The following GIPC3 variants were observed in gnomAD, a reference collection of about 807,000 sequenced individuals.
GIPC3 encodes the protein PDZ domain-containing protein GIPC3.
Under a neutral mutation model 27.3 loss-of-function variants are expected in GIPC3, and 16 were observed. That is an observed-to-expected ratio of 0.59 (90% CI 0.40 to 0.89). GIPC3 has a LOEUF of 0.89. Among genes scored for constraint, GIPC3 ranks in the 40% least tolerant of loss-of-function variants. GIPC3 has a pLI of 0.00. For synonymous variants in GIPC3, 194 were observed against 184.6 expected (o/e 1.05, Z -0.41); for missense variants, 440 against 442.1 (o/e 1.00, Z 0.04).
Position 3,592,335 on chromosome 19 carries a change from C to T in GIPC3, c.*2145C>T. On this transcript the variant is annotated 3_prime_UTR_variant, in exon 6 of 6. Transcript: ENST00000644452. ...GAAGCAGAGCAGTTCTGAAAGTCAG[C>T]TTAGCTTTGGAACTCAGCCCAGCTC... The T allele has an allele frequency of 8.1e-7, 1 of 1,232,018 alleles. No homozygotes were observed. Among genetic ancestry groups the T allele is most frequent in the Non-Finnish European group, 1.0e-6 (1 of 987,966 alleles). 76.3% of individuals were successfully genotyped at this position (1,232,018 alleles called of 1,614,324 possible). A position where few individuals can be genotyped will look rare whatever the true frequency, so the allele number is the denominator to read the frequency against.
Position 3,593,521 on chromosome 19 carries a change from A to C in GIPC3, c.*3331A>C. 1 of 391,612 alleles carries C rather than the reference A, an allele frequency of 2.6e-6. No individual in the cohort carries two copies. The highest frequency in any genetic ancestry group is 4.5e-6 in the Non-Finnish European group (1 of 223,194). 24.3% of individuals were successfully genotyped at this position (391,612 alleles called of 1,614,324 possible). A position where few individuals can be genotyped will look rare whatever the true frequency, so the allele number is the denominator to read the frequency against. ...GTACCCTGAGGGCTCATGGTGAATA[A>C]AGGCACCTTCCATCTCTGCAGCCTG... On this transcript the variant is annotated 3_prime_UTR_variant, in exon 6 of 6. Transcript: ENST00000644452.
chr19:3,588,653 A>AAAAAAC (rs1555704530), intron 3 of GIPC3, among the ~76,000 whole-genome samples: 15 of 151,308 alleles, frequency 9.9e-5, no homozygotes, highest in African/African-American at 3.4e-4. Flanking sequence ...AAAAAAAAAA[A>AAAAAAC]AAAAAACCTG....
chr19:3,586,785 G>A, intron 2 of GIPC3, 29 bp from the exon 3 acceptor site: 1 of 1,612,446 alleles, frequency 6.2e-7, no homozygotes, highest in Admixed American at 1.7e-5. Context: ...GGCTGGGGTT[G>A]CCCTGCCAGC....
chr19:3,592,817 T>C lies in GIPC3; in HGVS notation c.*2627T>C. The C allele has an allele frequency of 8.1e-7, 1 of 1,232,078 alleles. No individual in the cohort carries two copies. The highest frequency in any genetic ancestry group is 1.6e-5 in the African/African-American group (1 of 64,476). 76.3% of individuals were successfully genotyped at this position (1,232,078 alleles called of 1,614,324 possible). A position where few individuals can be genotyped will look rare whatever the true frequency, so the allele number is the denominator to read the frequency against. ...CTGGAACCCAATCCAGTTCCAGAAC[T>C]CACACCAGTTCAAGAATCTGGCTGA... On this transcript the variant is annotated 3_prime_UTR_variant, in exon 6 of 6. Coordinates refer to ENST00000644452, the MANE Select transcript of GIPC3 (RefSeq NM_133261.3).
At position 3,585,719 on chromosome 19, in the gene GIPC3, C is replaced by A. The variant is rs727503062; in HGVS notation, c.122C>A (p.Thr41Lys). 7.4e-6 allele frequency: 11 copies of A among 1,483,562 alleles called. No homozygotes were observed. Among genetic ancestry groups the A allele is most frequent in the South Asian group, 2.6e-5 (2 of 77,424 alleles). The allele number at this position is 1,483,562 out of a possible 1,614,324, so 91.9% of individuals were successfully genotyped here. A position where few individuals can be genotyped will look rare whatever the true frequency, so the allele number is the denominator to read the frequency against. Residue 41 changes from threonine to lysine, a missense_variant, in exon 1 of 6, where the codon ACG becomes AAG. Thr to Lys is a moderately conservative substitution (Grantham distance 78). Coordinates refer to ENST00000644452, the MANE Select transcript of GIPC3 (RefSeq NM_133261.3). ...PRARPRLVFRTQLAHGSPTGK... is the reference protein window; with the variant it reads ...PRARPRLVFRKQLAHGSPTGK... ...GCCCGCCCGCGCCTCGTCTTCCGCA[C>A]GCAGCTGGCGCACGGGAGCCCCACG...
In GIPC3 at chr19:3,592,184, G is replaced by C; in HGVS notation, c.*1994G>C. The C allele has an allele frequency of 3.2e-6, 4 of 1,232,062 alleles. No individual in the cohort carries two copies. The highest frequency in any genetic ancestry group is 4.0e-6 in the Non-Finnish European group (4 of 988,024). 76.3% of individuals were successfully genotyped at this position (1,232,062 alleles called of 1,614,324 possible). A position where few individuals can be genotyped will look rare whatever the true frequency, so the allele number is the denominator to read the frequency against. On this transcript the variant is annotated 3_prime_UTR_variant, in exon 6 of 6. Transcript: ENST00000644452. ...GTTCCGACAGCAGGTCCAGCTCCAGGACCCAGCGCTGCCCAGGAGCTCGAC... is the reference window on the plus strand; with the variant it reads ...GTTCCGACAGCAGGTCCAGCTCCAGCACCCAGCGCTGCCCAGGAGCTCGAC...
In GIPC3 at chr19:3,589,863, G is replaced by A. The variant is rs1378233870; in HGVS notation, c.738G>A (p.Lys246=). The change falls in exon 5 of 6, where the codon AAG becomes AAA. Residue 246 remains lysine, a synonymous_variant. Transcript: ENST00000644452. The part of the protein sequence containing the change: ...PSEFEEEASR[K]VDDLLESYMG... ...AGTTTGAGGAGGAGGCATCTCGGAA[G>A]GTTGATGACCTGCTGGAAAGCTACA... 6.8e-6 allele frequency: 11 copies of A among 1,613,806 alleles called. No individual in the cohort carries two copies. The highest frequency in any genetic ancestry group is 8.5e-6 in the Non-Finnish European group (10 of 1,180,020).
intron 1 of GIPC3, among the ~76,000 whole-genome samples, chr19:3,586,209 T>A (rs1305099692): frequency 6.6e-6 from 1 of 151,738 alleles, no homozygotes; most frequent in Non-Finnish European, 1.5e-5. Flanking sequence ...GGTTGGGGGG[T>A]TCCTGGGCGT....
chr19:3,592,980 C>T lies in GIPC3; in HGVS notation c.*2790C>T. On this transcript the variant is annotated 3_prime_UTR_variant, in exon 6 of 6. Transcript: ENST00000644452. Reference sequence around the variant, plus strand: ...CCCAGCCCCTAGCAAAGACCCCCAGCCTCTGCCTCAGCCCCATGATCAGGT... The same window carrying T: ...CCCAGCCCCTAGCAAAGACCCCCAGTCTCTGCCTCAGCCCCATGATCAGGT... 3.3e-6 allele frequency: 4 copies of T among 1,228,444 alleles called. No individual in the cohort carries two copies. Among genetic ancestry groups the T allele is most frequent in the Non-Finnish European group, 4.1e-6 (4 of 986,122 alleles). The allele number at this position is 1,228,444 out of a possible 1,614,324, so 76.1% of individuals were successfully genotyped here.
Position 3,589,504 on chromosome 19 carries a change from G to A in GIPC3, c.654G>A (p.Gly218=), listed in dbSNP as rs2032440391. 2 of 1,613,984 alleles carry A rather than the reference G, an allele frequency of 1.2e-6. No individual in the cohort carries two copies. ...KCPVEAKVTS[G]RETLRLRSGG... is the part of the protein sequence containing the mutation. ...CAGTAGAGGCGAAAGTGACCAGCGG[G>A]AGGGAGACCCTGCGGCTTCGTTCTG... The change falls in exon 4 of 6, where the codon GGG becomes GGA. Residue 218 remains glycine (G), a synonymous_variant. Transcript: ENST00000644452.
In GIPC3 at chr19:3,590,446, C is replaced by A; in HGVS notation, c.*256C>A. The A allele has an allele frequency of 7.0e-7, 1 of 1,426,340 alleles. No homozygotes were observed. The highest frequency in any genetic ancestry group is 9.1e-7 in the Non-Finnish European group (1 of 1,095,224). 88.4% of individuals were successfully genotyped at this position (1,426,340 alleles called of 1,614,324 possible). On this transcript the variant is annotated 3_prime_UTR_variant, in exon 6 of 6. Coordinates refer to ENST00000644452, the MANE Select transcript of GIPC3 (RefSeq NM_133261.3). ...AATAAGCTCTGTTCTAAAACTCAGG[C>A]CAGCCCTGAGACCAAGCCCAGCTCT...
chr19:3,589,865 T>G lies in GIPC3; in HGVS notation c.740T>G (p.Val247Gly). 1 of 1,613,692 alleles carries G rather than the reference T, an allele frequency of 6.2e-7. No homozygotes were observed. The highest frequency in any genetic ancestry group is 8.5e-7 in the Non-Finnish European group (1 of 1,179,966). ...SEFEEEASRK[V>G]DDLLESYMGI... ...TTTGAGGAGGAGGCATCTCGGAAGG[T>G]TGATGACCTGCTGGAAAGCTACATG... is the stretch of plus-strand genomic sequence containing the variant. The change falls in exon 5 of 6, where the codon GTT (valine) becomes GGT (glycine). Residue 247 changes from valine to glycine, a missense_variant. Transcript: ENST00000644452.
rs1203329599 is a variant in GIPC3 at position 3,591,518 on chromosome 19, A to G, written c.*1328A>G. ...GCTCCGGAACCCCAGTTAATTTTGG[A>G]ACCCATGTGAGATTCATGAAGCAGC... On this transcript the variant is annotated 3_prime_UTR_variant, in exon 6 of 6. Coordinates refer to ENST00000644452, the MANE Select transcript of GIPC3 (RefSeq NM_133261.3). 8.1e-7 allele frequency: 1 copy of G among 1,232,484 alleles called. No homozygotes were observed. The highest frequency in any genetic ancestry group is 1.0e-6 in the Non-Finnish European group (1 of 988,492). The allele number at this position is 1,232,484 out of a possible 1,614,324, so 76.3% of individuals were successfully genotyped here.
At chr19:3,588,640 C>CAAA (rs969668918) in intron 3 of GIPC3, among the ~76,000 whole-genome samples, 4,476 of 73,872 alleles carry the variant, frequency 0.061, 117 homozygotes, top group Middle Eastern at 0.087. Context: ...TCCATCGTAT[C>CAAA]AAAAAAAAAA....
rs570315484 is a variant in GIPC3, at chr19:3,589,364, C to T, written c.593-79C>T. 57 of 1,007,576 alleles carry T rather than the reference C, an allele frequency of 5.7e-5. No homozygotes were observed. In the East Asian group the frequency reaches 6.7e-4, roughly 12 times the overall value. The allele number at this position is 1,007,576 out of a possible 1,614,324, so 62.4% of individuals were successfully genotyped here. ...AGGGGAGGAAGATTCTAGAAAGGCTCGGCTGTTGGCCTCCCAGGGTTTACA... is the reference window on the plus strand; with the variant it reads ...AGGGGAGGAAGATTCTAGAAAGGCTTGGCTGTTGGCCTCCCAGGGTTTACA... On this transcript the variant is annotated intron_variant, in intron 3 of 5. Transcript: ENST00000644452.
Position 3,590,882 on chromosome 19 carries a change from C to A in GIPC3, c.*692C>A. 8.1e-7 allele frequency: 1 copy of A among 1,236,128 alleles called. No homozygotes were observed. The highest frequency in any genetic ancestry group is 1.0e-6 in the Non-Finnish European group (1 of 990,620). 76.6% of individuals were successfully genotyped at this position (1,236,128 alleles called of 1,614,324 possible). On this transcript the variant is annotated 3_prime_UTR_variant, in exon 6 of 6. Transcript: ENST00000644452. ...AGATGGGCTCCGAGACCAAGCCCAG[C>A]TCTAGAACCCAGATGAGCTCTGAGA...
chr19:3,585,612 G>A lies in GIPC3; in HGVS notation c.15G>A (p.Ala5=), dbSNP rs901854393. Residue 5 remains alanine, a synonymous_variant, in exon 1 of 6, where the codon GCG becomes GCA. Transcript: ENST00000644452. MEGA[A]AREARGTETP... is the part of the protein sequence containing the mutation. ...CTTCTCCCGCCATGGAGGGAGCAGCGGCCCGGGAGGCCCGGGGGACCGAGA... is the reference window on the plus strand; with the variant it reads ...CTTCTCCCGCCATGGAGGGAGCAGCAGCCCGGGAGGCCCGGGGGACCGAGA... The A allele has an allele frequency of 4.3e-6, 5 of 1,160,152 alleles. No homozygotes were observed. Among genetic ancestry groups the A allele is most frequent in the Non-Finnish European group, 5.3e-6 (5 of 943,796 alleles). 71.9% of individuals were successfully genotyped at this position (1,160,152 alleles called of 1,614,324 possible).
chr19:3,588,414 A>G lies in GIPC3; in HGVS notation c.593-1029A>G, dbSNP rs139987936. Among the ~76,000 whole-genome samples the G allele has an allele frequency of 1.0e-3, 157 of 152,216 alleles. No homozygotes were observed. The East Asian group carries it at 0.018, about 17-fold the overall frequency. Reference sequence around the variant, plus strand: ...TTGGCCCTTTGGATAGCGTTGTTCTATAGAACAGAGACAGAGATTCTAGAA... The same window carrying G: ...TTGGCCCTTTGGATAGCGTTGTTCTGTAGAACAGAGACAGAGATTCTAGAA... On this transcript the variant is annotated intron_variant, in intron 3 of 5. Coordinates refer to ENST00000644452, the MANE Select transcript of GIPC3 (RefSeq NM_133261.3).
In GIPC3 at chr19:3,590,042, C is replaced by T. The variant is rs1324245971; in HGVS notation, c.791C>T (p.Ser264Phe). Reference protein sequence around the residue: ...YMGIRDPELASTMVETSKKTA... With the variant: ...YMGIRDPELAFTMVETSKKTA... ...TCCCCTCTGGCACGGCCCGCAGCGT[C>T]CACCATGGTGGAGACGTCCAAGAAG... Residue 264 changes from serine (S) to phenylalanine (F), a missense_variant, in exon 6 of 6, where the codon TCC (serine) becomes TTC (phenylalanine). Physicochemically the swap from Ser to Phe is radical, Grantham distance 155. Transcript: ENST00000644452. 1 of 1,612,604 alleles carries T rather than the reference C, an allele frequency of 6.2e-7. No individual in the cohort carries two copies. Among genetic ancestry groups the T allele is most frequent in the Non-Finnish European group, 8.5e-7 (1 of 1,179,476 alleles).
Sources: gnomAD v4.1 joint callset for allele counts (sites outside exome capture counted in the v4.1 genomes callset) on GRCh38, gnomAD v4.1.1 for gene constraint, MANE v1.5 for transcripts, NCBI Gene and HGNC (gene_info 2026-07-23, HGNC 2026-07-21) for gene names.